The following RNF150 variants were observed in gnomAD, a reference collection of about 807,000 sequenced individuals.
The protein encoded by RNF150 is ring finger protein 150.
Under a neutral mutation model 39.3 loss-of-function variants are expected in RNF150, and 24 were observed. The observed-to-expected ratio is 0.61, with a 90% CI of 0.44 to 0.86. RNF150 has a LOEUF of 0.86. Among genes scored for constraint, RNF150 ranks in the 40% least tolerant of loss-of-function variants. The pLI is 0.00. For missense variants in RNF150, 502 were observed against 587.8 expected, an observed-to-expected ratio of 0.85 and a Z score of 1.51; for synonymous variants, 255 against 227.3, an observed-to-expected ratio of 1.12 and a Z score of -1.10.
intron 1 of RNF150, among the ~76,000 whole-genome samples, chr4:140,979,826 C>T (rs1352420540): frequency 6.6e-6 from 1 of 151,996 alleles, no homozygotes; most frequent in Non-Finnish European, 1.5e-5. Context: ...AACGGAAACT[C>T]GAAGGCTGAT....
At chr4:140,917,759 C>T (rs1730902018) in intron 5 of RNF150, among the ~76,000 whole-genome samples, 1 of 151,342 alleles carries the variant, frequency 6.6e-6, no homozygotes, top group Admixed American at 6.6e-5. Flanking sequence ...CACCACACCA[C>T]ACCTATTCCA....
chr4:141,150,699 C>G (rs1393277628), intron 1 of RNF150, among the ~76,000 whole-genome samples: 1 of 152,158 alleles, frequency 6.6e-6, no homozygotes, highest in Non-Finnish European at 1.5e-5. Context: ...CAACTGATCT[C>G]CATTTAACAT....
chr4:141,176,764 TTCAG>T (rs1727821162), intron 1 of RNF150, among the ~76,000 whole-genome samples: 1 of 152,144 alleles, frequency 6.6e-6, no homozygotes, highest in African/African-American at 2.4e-5. Flanking sequence ...TGGTTTTAAT[TTCAG>T]TCAAAGATTA....
At chr4:141,051,212 G>A (rs1736765055) in intron 1 of RNF150, among the ~76,000 whole-genome samples, 1 of 152,074 alleles carries the variant, frequency 6.6e-6, no homozygotes, top group Non-Finnish European at 1.5e-5. Context: ...ACACAGCATG[G>A]CCCATGAAAA....
intron 1 of RNF150, among the ~76,000 whole-genome samples, chr4:141,081,210 A>C (rs909749614): frequency 1.3e-5 from 2 of 152,206 alleles, no homozygotes; most frequent in Non-Finnish European, 2.9e-5. Context: ...TCATTGAAAT[A>C]AATGGCCTTT....
At chr4:140,964,124 A>C (rs1417290513) in intron 2 of RNF150, among the ~76,000 whole-genome samples, 2 of 152,128 alleles carry the variant, frequency 1.3e-5, no homozygotes, top group African/African-American at 4.8e-5. Context: ...GAAAGCAGTA[A>C]GTTATCCCTG....
intron 1 of RNF150, among the ~76,000 whole-genome samples, chr4:141,138,793 A>C (rs1318300360): frequency 6.6e-6 from 1 of 152,236 alleles, no homozygotes; most frequent in African/African-American, 2.4e-5. Context: ...GATTATTGGA[A>C]GATTCCAAAG....
intron 1 of RNF150, among the ~76,000 whole-genome samples, chr4:141,041,814 T>C (rs922347874): frequency 1.4e-4 from 22 of 152,106 alleles, no homozygotes; most frequent in African/African-American, 5.3e-4. Context: ...AAGTAATATA[T>C]GGGATCAAGC....
intron 1 of RNF150, among the ~76,000 whole-genome samples, chr4:141,180,461 TG>T (rs1184044813): frequency 6.6e-6 from 1 of 152,224 alleles, no homozygotes; most frequent in African/African-American, 2.4e-5. Flanking sequence ...CCCTTCTGTC[TG>T]TAGGTGACAG....
intron 6 of RNF150, among the ~76,000 whole-genome samples, chr4:140,872,202 G>A (rs940303464): frequency 7.2e-5 from 11 of 152,138 alleles, no homozygotes; most frequent in Non-Finnish European, 1.2e-4. Context: ...TTTTCTGTAG[G>A]TGGTACTAAT....
In RNF150 at chr4:141,118,847, G is replaced by A. The variant is rs138885518; in HGVS notation, c.484+13478C>T. ...TCGATCTCGGCTCACTACAACCTCC[G>A]ACTCCTGGGTTCAAGCGATTCTCCT... On this transcript the variant is annotated intron_variant, in intron 1 of 6. Coordinates refer to ENST00000515673, the MANE Select transcript of RNF150 (RefSeq NM_020724.2). 3.0e-3 allele frequency among the ~76,000 whole-genome samples: 456 copies of A among 152,074 alleles called. 9 individuals carry two copies. Among genetic ancestry groups the A allele is most frequent in the African/African-American group, 0.01 (432 of 41,500 alleles).
At chr4:140,868,444 G>T in intron 6 of RNF150, 65 bp from the exon 7 acceptor site, 1 of 875,000 alleles carries the variant, frequency 1.1e-6, no homozygotes, top group Admixed American at 1.8e-5. Context: ...GCTTATTTCA[G>T]TACAATTGCT....
chr4:141,167,534 T>A (rs1300767201), intron 1 of RNF150, among the ~76,000 whole-genome samples: 1 of 152,094 alleles, frequency 6.6e-6, no homozygotes, highest in Non-Finnish European at 1.5e-5. Context: ...ACTACCTGAC[T>A]TCAAACTGTA....
At chr4:140,949,893 A>T (rs1732479151) in intron 2 of RNF150, among the ~76,000 whole-genome samples, 1 of 152,218 alleles carries the variant, frequency 6.6e-6, no homozygotes, top group Non-Finnish European at 1.5e-5. Context: ...CTCATGTGGC[A>T]ATTTTACCTC....
intron 1 of RNF150, among the ~76,000 whole-genome samples, chr4:140,980,723 T>C (rs1042264127): frequency 6.6e-6 from 1 of 152,102 alleles, no homozygotes; most frequent in African/African-American, 2.4e-5. Flanking sequence ...AAGAACGTGT[T>C]TGCTTCCCCT....
chr4:140,978,612 A>G (rs950327764), intron 1 of RNF150, among the ~76,000 whole-genome samples: 5 of 152,158 alleles, frequency 3.3e-5, no homozygotes, highest in African/African-American at 1.2e-4. Context: ...TGAGTGATGA[A>G]TACAGAATTA....
chr4:141,171,664 T>C (rs1173343159), intron 1 of RNF150, among the ~76,000 whole-genome samples: 20 of 152,236 alleles, frequency 1.3e-4, no homozygotes, highest in Admixed American at 1.3e-3. Context: ...TGTACTACAA[T>C]GTATCCATAG....
At chr4:141,148,491 T>G (rs980240486) in intron 1 of RNF150, among the ~76,000 whole-genome samples, 1 of 152,212 alleles carries the variant, frequency 6.6e-6, no homozygotes, top group Non-Finnish European at 1.5e-5. Flanking sequence ...TTGCCCAGGC[T>G]GGAGTGCAAT....
intron 1 of RNF150, among the ~76,000 whole-genome samples, chr4:141,195,366 T>G (rs1728184632): frequency 6.6e-6 from 1 of 152,190 alleles, no homozygotes; most frequent in South Asian, 2.1e-4. Context: ...TAATCCTTGA[T>G]CTTGGTGTGA....
Sources: allele counts gnomAD v4.1 joint callset (sites outside exome capture counted in the v4.1 genomes callset), GRCh38; gene constraint gnomAD v4.1.1; transcripts MANE v1.5; gene names NCBI Gene and HGNC (gene_info 2026-07-23, HGNC 2026-07-21).